The following ANKS1B variants were observed in gnomAD, a reference collection of about 807,000 sequenced individuals.
ANKS1B encodes the protein ankyrin repeat and sterile alpha motif domain containing 1B.
A neutral mutation model predicts 148.3 loss-of-function variants in ANKS1B; 36 were observed. That is an observed-to-expected ratio of 0.24 (90% confidence interval 0.19 to 0.32). The LOEUF is 0.32. ANKS1B is among the 10% of genes least tolerant of loss of function. The pLI is 1.00. For missense variants in ANKS1B, 1,157 were observed against 1,542.6 expected, an observed-to-expected ratio of 0.75 and a Z score of 4.19; for synonymous variants, 542 against 560.8, an observed-to-expected ratio of 0.97 and a Z score of 0.47.
chr12:99,425,309 A>AC (rs2095227689), intron 11 of ANKS1B, among the ~76,000 whole-genome samples: 1 of 151,894 alleles, frequency 6.6e-6, no homozygotes, highest in African/African-American at 2.4e-5. Context: ...CTTTCAAATA[A>AC]TTTTTAATAT....
At chr12:98,772,958 G>A in intron 25 of ANKS1B, 84 bp downstream of exon 25, 1 of 1,480,260 alleles carries the variant, frequency 6.8e-7, no homozygotes, top group South Asian at 1.2e-5. Context: ...CCAAGCTAGT[G>A]TGTTAATTAT....
chr12:99,286,754 CA>C (rs1440874519), intron 12 of ANKS1B, among the ~76,000 whole-genome samples: 4 of 152,178 alleles, frequency 2.6e-5, no homozygotes, highest in Non-Finnish European at 5.9e-5. Flanking sequence ...GAGCAAACAT[CA>C]GCAGTAACCA....
intron 9 of ANKS1B, among the ~76,000 whole-genome samples, chr12:99,595,684 C>G (rs1399481017): frequency 5.9e-5 from 9 of 151,848 alleles, no homozygotes; most frequent in Non-Finnish European, 8.8e-5. Context: ...AAAGAAGATT[C>G]AAGTAAATCT....
chr12:98,798,787 A>G, intron 22 of ANKS1B, 147 bp downstream of exon 22: 1 of 550,836 alleles, frequency 1.8e-6, no homozygotes, highest in South Asian at 3.4e-5. Context: ...AAACATGCAG[A>G]AAGCAAGAGC....
At position 99,780,922 on chromosome 12, in the gene ANKS1B, C is replaced by T. The variant is rs976307580; in HGVS notation, c.746-950G>A. ...TCACACTAATCATCCACCTGACGAG[C>T]AAACTTACTGAAGTGTGTAACTAAA... On this transcript the variant is annotated intron_variant, in intron 5 of 26. Transcript: ENST00000683438. Among the ~76,000 whole-genome samples, 5 of 152,098 alleles carry T rather than the reference C, an allele frequency of 3.3e-5. No individual in the cohort carries two copies. The South Asian group carries it at 1.0e-3, about 31-fold the overall frequency.
intron 14 of ANKS1B, among the ~76,000 whole-genome samples, chr12:99,212,077 T>C (rs1230667267): frequency 6.6e-6 from 1 of 152,218 alleles, no homozygotes; most frequent in Non-Finnish European, 1.5e-5. Context: ...CCATTCTGCA[T>C]ACTGATTTTG....
At chr12:99,375,709 A>T (rs896580783) in intron 12 of ANKS1B, among the ~76,000 whole-genome samples, 1 of 152,202 alleles carries the variant, frequency 6.6e-6, no homozygotes, top group African/African-American at 2.4e-5. Context: ...TAATTTCTAA[A>T]TGGGACAAAG....
intron 1 of ANKS1B, among the ~76,000 whole-genome samples, chr12:99,890,448 C>T (rs1367623612): frequency 6.6e-6 from 1 of 152,142 alleles, no homozygotes; most frequent in Non-Finnish European, 1.5e-5. Context: ...GACAGGACTG[C>T]AACATCAACT....
intron 25 of ANKS1B, among the ~76,000 whole-genome samples, chr12:98,771,142 T>C (rs1351883672): frequency 6.6e-6 from 1 of 152,134 alleles, no homozygotes; most frequent in Non-Finnish European, 1.5e-5. Flanking sequence ...TAAATGGAAG[T>C]GGTGTAATCC....
At chr12:99,746,776 A>G (rs2060635383) in intron 8 of ANKS1B, among the ~76,000 whole-genome samples, 1 of 152,164 alleles carries the variant, frequency 6.6e-6, no homozygotes, top group Non-Finnish European at 1.5e-5. Flanking sequence ...TACATACAGA[A>G]GCAATCCAGC....
chr12:99,299,683 C>T (rs997271241), intron 12 of ANKS1B, among the ~76,000 whole-genome samples: 2 of 152,198 alleles, frequency 1.3e-5, no homozygotes, highest in Non-Finnish European at 2.9e-5. Flanking sequence ...AAAGATCACA[C>T]TCTGACAATA....
chr12:98,872,863 A>T (rs2099675354), intron 17 of ANKS1B, among the ~76,000 whole-genome samples: 1 of 152,154 alleles, frequency 6.6e-6, no homozygotes, highest in Non-Finnish European at 1.5e-5. Context: ...CCCTAGCAAA[A>T]CTAATGCACT....
intron 9 of ANKS1B, among the ~76,000 whole-genome samples, chr12:99,596,417 G>C (rs1458787430): frequency 6.6e-6 from 1 of 151,544 alleles, no homozygotes; most frequent in Non-Finnish European, 1.5e-5. Context: ...TTGTTATAAG[G>C]ATAAAAAATC....
chr12:98,817,968 T>C (rs1295607074), intron 19 of ANKS1B, among the ~76,000 whole-genome samples: 1 of 152,194 alleles, frequency 6.6e-6, no homozygotes. Context: ...GACCCATGAT[T>C]GCTGGAGTCA....
At position 99,401,329 on chromosome 12, in the gene ANKS1B, C is replaced by T. The variant is rs1190817474; in HGVS notation, c.1576-1518G>A. Among the ~76,000 whole-genome samples, 3 of 146,162 alleles carry T rather than the reference C, an allele frequency of 2.1e-5. 1 individual carries two copies. The highest frequency in any genetic ancestry group is 2.1e-4 in the South Asian group (1 of 4,752). The stretch of plus-strand genomic sequence containing the variant: ...GCAATTAGAAAGGCATGAGCTATAG[C>T]GCTGGCTCCAATGGAGCCCATCATT... On this transcript the variant is annotated intron_variant, in intron 11 of 26. Transcript: ENST00000683438.
At chr12:99,322,437 C>T (rs1361011223) in intron 12 of ANKS1B, among the ~76,000 whole-genome samples, 1 of 123,230 alleles carries the variant, frequency 8.1e-6, no homozygotes, top group Non-Finnish European at 1.7e-5. Context: ...ACTCATGTAA[C>T]AAACCTGCAC....
intron 1 of ANKS1B, among the ~76,000 whole-genome samples, chr12:99,902,587 G>A (rs2093636215): frequency 6.6e-6 from 1 of 152,166 alleles, no homozygotes; most frequent in African/African-American, 2.4e-5. Flanking sequence ...ATGGATGGAA[G>A]AGGGAAAGAA....
At chr12:99,809,306 G>C (rs369020138) in intron 3 of ANKS1B, among the ~76,000 whole-genome samples, 11 of 151,760 alleles carry the variant, frequency 7.2e-5, no homozygotes, top group Non-Finnish European at 1.0e-4. Context: ...AGTTGGATTC[G>C]AGTTTCGGTG....
At chr12:98,787,223 A>G (rs1454143326) in intron 22 of ANKS1B, among the ~76,000 whole-genome samples, 3 of 152,210 alleles carry the variant, frequency 2.0e-5, no homozygotes, top group Non-Finnish European at 4.4e-5. Flanking sequence ...AAAAAGCAGA[A>G]CACCAATCAG....
Sources: allele counts gnomAD v4.1 joint callset (sites outside exome capture counted in the v4.1 genomes callset), GRCh38; gene constraint gnomAD v4.1.1; transcripts MANE v1.5; gene names NCBI Gene and HGNC (gene_info 2026-07-23, HGNC 2026-07-21).